Variants in GRIA4 observed in about 807,000 individuals in gnomAD.
The protein encoded by GRIA4 is glutamate ionotropic receptor AMPA type subunit 4.
Under a neutral mutation model 104.0 loss-of-function variants are expected in GRIA4, and 34 were observed. The observed-to-expected ratio is 0.33, with a 90% CI of 0.25 to 0.44. The LOEUF is 0.44. Ranked by LOEUF, GRIA4 falls within the 20% of genes least tolerant of loss-of-function variation. GRIA4 has a pLI of 1.00. For synonymous variants in GRIA4, 386 were observed against 381.9 expected (o/e 1.01, Z -0.13); for missense variants, 750 against 1,096.5 (o/e 0.68, Z 4.46).
At chr11:105,765,147 A>G (rs181810072) in intron 4 of GRIA4, among the ~76,000 whole-genome samples, 5 of 152,314 alleles carry the variant, frequency 3.3e-5, no homozygotes, top group African/African-American at 1.2e-4. Flanking sequence ...TAATATCAAA[A>G]AATGAATTCA....
chr11:105,712,090 G>A (rs769493295), intron 3 of GRIA4, among the ~76,000 whole-genome samples: 4 of 151,930 alleles, frequency 2.6e-5, no homozygotes, highest in East Asian at 1.9e-4. Flanking sequence ...GTATGTTAAA[G>A]GTTATTAATC....
At chr11:105,876,626 C>T (rs1488607098) in intron 5 of GRIA4, among the ~76,000 whole-genome samples, 2 of 152,030 alleles carry the variant, frequency 1.3e-5, no homozygotes, top group African/African-American at 2.4e-5. Context: ...TATTTAGGAT[C>T]GTTAGCTCTT....
intron 5 of GRIA4, among the ~76,000 whole-genome samples, chr11:105,875,040 G>A (rs908213930): frequency 4.6e-5 from 7 of 152,264 alleles, no homozygotes; most frequent in African/African-American, 1.7e-4. Flanking sequence ...GTATGATATC[G>A]CCTGTGCGTT....
At chr11:105,846,932 G>A (rs1225946596) in intron 4 of GRIA4, among the ~76,000 whole-genome samples, 3 of 152,222 alleles carry the variant, frequency 2.0e-5, no homozygotes, top group African/African-American at 7.2e-5. Context: ...TTCTGCAGGT[G>A]AGGATGAGCT....
chr11:105,894,798 T>TCCCACCAAAAAATAAACAAAACACTC (rs1591410229), intron 6 of GRIA4, among the ~76,000 whole-genome samples: 4 of 138,678 alleles, frequency 2.9e-5, no homozygotes, highest in Non-Finnish European at 4.7e-5. Flanking sequence ...CATATTTTTT[T>TCCCACCAAAAAATAAACAAAACACTC]TTTTTTTTTT....
At chr11:105,701,754 A>G (rs1953502115) in intron 3 of GRIA4, among the ~76,000 whole-genome samples, 1 of 152,170 alleles carries the variant, frequency 6.6e-6, no homozygotes, top group Non-Finnish European at 1.5e-5. Context: ...CAGCACCAGA[A>G]AATGCAGAAG....
chr11:105,930,701 TTTTG>T (rs1947847830), intron 13 of GRIA4, among the ~76,000 whole-genome samples: 1 of 152,182 alleles, frequency 6.6e-6, no homozygotes, highest in Non-Finnish European at 1.5e-5. Context: ...GCTGTGTTAG[TTTTG>T]TTTAACTGTC....
intron 14 of GRIA4, among the ~76,000 whole-genome samples, chr11:105,942,057 A>C (rs1030717906): frequency 6.6e-6 from 1 of 152,132 alleles, no homozygotes; most frequent in African/African-American, 2.4e-5. Flanking sequence ...TAGTGCCTTT[A>C]GCATAAAAAG....
At chr11:105,773,494 GT>G (rs1228114726) in intron 4 of GRIA4, among the ~76,000 whole-genome samples, 1 of 152,074 alleles carries the variant, frequency 6.6e-6, no homozygotes, top group Non-Finnish European at 1.5e-5. Context: ...AAATTATAGA[GT>G]TTTAAAATAT....
chr11:105,742,784 T>G (rs990218749), intron 3 of GRIA4, among the ~76,000 whole-genome samples: 1 of 152,164 alleles, frequency 6.6e-6, no homozygotes, highest in Non-Finnish European at 1.5e-5. Context: ...TCACCCAAGC[T>G]GGAGTGCAGT....
chr11:105,862,260 AC>A (rs752086597), intron 5 of GRIA4, 52 bp downstream of exon 5: 1 of 1,036,508 alleles, frequency 9.6e-7, no homozygotes, highest in Admixed American at 2.1e-5. Flanking sequence ...GAAAAATTTA[AC>A]CTTTGATTGA....
chr11:105,887,382 G>A lies in GRIA4; in HGVS notation c.673-137G>A, dbSNP rs565153309. The A allele has an allele frequency of 5.4e-4, 261 of 486,064 alleles. 6 individuals are homozygous for A. The South Asian group carries it at 8.3e-3, about 15-fold the overall frequency. 30.1% of individuals were successfully genotyped at this position (486,064 alleles called of 1,614,324 possible). A position where few individuals can be genotyped will look rare whatever the true frequency, so the allele number is the denominator to read the frequency against. On this transcript the variant is annotated intron_variant, in intron 5 of 16. Transcript: ENST00000282499. ...TTATCAATTCTTCTAACTATAGTACGTGACTTTTATTTTTTAAAAAACTAT... is the reference window on the plus strand; with the variant it reads ...TTATCAATTCTTCTAACTATAGTACATGACTTTTATTTTTTAAAAAACTAT...
chr11:105,836,577 C>T (rs1944196105), intron 4 of GRIA4, among the ~76,000 whole-genome samples: 1 of 152,130 alleles, frequency 6.6e-6, no homozygotes, highest in South Asian at 2.1e-4. Context: ...AACCTCAGCA[C>T]ACTTGTAGAT....
chr11:105,680,889 C>T (rs1276920261), intron 3 of GRIA4, among the ~76,000 whole-genome samples: 1 of 152,130 alleles, frequency 6.6e-6, no homozygotes, highest in Non-Finnish European at 1.5e-5. Context: ...AGACATCTTC[C>T]CTGAGGCATT....
At chr11:105,744,990 A>G (rs546945708) in intron 3 of GRIA4, among the ~76,000 whole-genome samples, 1 of 152,284 alleles carries the variant, frequency 6.6e-6, no homozygotes, top group East Asian at 1.9e-4. Flanking sequence ...CAAAAAGGGA[A>G]TAGGTAAACC....
At chr11:105,908,352 T>C (rs1453620726) in intron 9 of GRIA4, among the ~76,000 whole-genome samples, 4 of 152,200 alleles carry the variant, frequency 2.6e-5, no homozygotes, top group Non-Finnish European at 5.9e-5. Flanking sequence ...TCCATTTCCC[T>C]GTCTAATTAA....
chr11:105,940,035 C>A (rs950938679), intron 14 of GRIA4, among the ~76,000 whole-genome samples: 1 of 152,066 alleles, frequency 6.6e-6, no homozygotes, highest in Non-Finnish European at 1.5e-5. Context: ...GCCCTCTTAG[C>A]TGACAGCGTG....
chr11:105,816,125 T>C (rs1943365026), intron 4 of GRIA4, among the ~76,000 whole-genome samples: 1 of 152,186 alleles, frequency 6.6e-6, no homozygotes, highest in African/African-American at 2.4e-5. Flanking sequence ...GTCCTAGGTC[T>C]ATCGATCTTG....
At chr11:105,943,473 T>C (rs1257097365) in intron 14 of GRIA4, among the ~76,000 whole-genome samples, 1 of 152,148 alleles carries the variant, frequency 6.6e-6, no homozygotes, top group Non-Finnish European at 1.5e-5. Context: ...ATTTTAAAAA[T>C]TGATCCACAT....
Sources: gnomAD v4.1 joint callset for allele counts (sites outside exome capture counted in the v4.1 genomes callset) on GRCh38, gnomAD v4.1.1 for gene constraint, MANE v1.5 for transcripts, NCBI Gene and HGNC (gene_info 2026-07-23, HGNC 2026-07-21) for gene names.